VIL1: variants seen among roughly 807,000 people sequenced by gnomAD.
VIL1 encodes the protein villin-1.
A neutral mutation model predicts 104.0 loss-of-function variants in VIL1; 86 were observed. The ratio of observed to expected loss-of-function variants is 0.83; its 90% confidence interval spans 0.69 to 0.99. The LOEUF is 0.99. Among genes scored for constraint, VIL1 ranks in the 50% least tolerant of loss-of-function variants. The pLI is 0.00. For missense variants in VIL1, 944 were observed against 1,054.1 expected (o/e 0.90, Z 1.45); for synonymous variants, 394 against 412.6 (o/e 0.95, Z 0.55).
chr2:218,436,253 C>T (rs1429536167), intron 15 of VIL1, among the ~76,000 whole-genome samples: 1 of 152,082 alleles, frequency 6.6e-6, no homozygotes. Flanking sequence ...GAAGAACTTC[C>T]TAACAAGGCT....
chr2:218,444,429 G>A (rs767434915), intron 19 of VIL1, among the ~76,000 whole-genome samples: 8 of 151,910 alleles, frequency 5.3e-5, no homozygotes, highest in Admixed American at 6.6e-5. Context: ...ACAGGCGCCC[G>A]CCATCACGCC....
chr2:218,431,151 T>G, intron 10 of VIL1: 1 of 549,530 alleles, frequency 1.8e-6, no homozygotes, highest in East Asian at 3.1e-5. Flanking sequence ...GAGTTTGAGA[T>G]TAGCCTAACA....
chr2:218,436,094 C>T (rs1465743152), intron 15 of VIL1, among the ~76,000 whole-genome samples: 1 of 152,158 alleles, frequency 6.6e-6, no homozygotes, highest in Non-Finnish European at 1.5e-5. Flanking sequence ...CTGCCTCAGC[C>T]TCCCAAAATG....
chr2:218,421,732 C>T (rs1237304644), intron 1 of VIL1, among the ~76,000 whole-genome samples: 1 of 152,076 alleles, frequency 6.6e-6, no homozygotes, highest in Non-Finnish European at 1.5e-5. Flanking sequence ...GGAGGGGGAG[C>T]GCTGGCTTTT....
At chr2:218,429,248 G>A (rs200753092) in intron 6 of VIL1, 37 bp from the exon 7 acceptor site, 53 of 1,583,240 alleles carry the variant, frequency 3.3e-5, no homozygotes, top group African/African-American at 9.4e-5. Context: ...CTCATTCCCC[G>A]ACTACTCCCG....
chr2:218,433,396 A>T (rs7585933), intron 13 of VIL1, among the ~76,000 whole-genome samples: 151,328 of 152,020 alleles, frequency 1, 75,324 homozygotes, highest in Middle Eastern at 1. Flanking sequence ...GATTGTGCCA[A>T]TGCACTCCAG....
chr2:218,443,777 C>A (rs1222027250), intron 19 of VIL1, among the ~76,000 whole-genome samples: 1 of 151,818 alleles, frequency 6.6e-6, no homozygotes, highest in Non-Finnish European at 1.5e-5. Context: ...GTCTCAGCCT[C>A]CTTAGTAGCT....
chr2:218,451,231 T>A lies in VIL1; in HGVS notation c.*1895T>A, dbSNP rs1689469339. On this transcript the variant is annotated 3_prime_UTR_variant, in exon 20 of 20. Coordinates refer to ENST00000248444, the MANE Select transcript of VIL1 (RefSeq NM_007127.3). ...AAGCAAAATGGGGAGGAAAAAGACA[T>A]CCATCCATTTTATTGGAACACTTTT... 1 of 152,156 alleles carries A rather than the reference T, an allele frequency of 6.6e-6. No homozygotes were observed. The highest frequency in any genetic ancestry group is 2.1e-4 in the South Asian group (1 of 4,830). 9.4% of individuals were successfully genotyped at this position (152,156 alleles called of 1,614,324 possible).
chr2:218,438,770 G>T lies in VIL1; in HGVS notation c.2229+44G>T, dbSNP rs757771667. The T allele has an allele frequency of 3.8e-6, 6 of 1,567,594 alleles. No homozygotes were observed. In the African/African-American group the frequency reaches 5.4e-5, roughly 14 times the overall value. On this transcript the variant is annotated intron_variant, in intron 18 of 19. Coordinates refer to ENST00000248444, the MANE Select transcript of VIL1 (RefSeq NM_007127.3). The stretch of plus-strand genomic sequence containing the variant: ...GGCTGGGCCCTGCAGTGGCCAGCTG[G>T]TGGTCAGACCTGTGGGAGCCAAGAA...
chr2:218,438,588 G>A, intron 17 of VIL1, 70 bp from the exon 18 acceptor site: 2 of 1,452,586 alleles, frequency 1.4e-6, no homozygotes, highest in Non-Finnish European at 1.9e-6. Flanking sequence ...TCATTCCTGA[G>A]GGAAAATGGC....
rs1689538020 is a variant in VIL1, at chr2:218,453,246, GTGTTTTTTT to G, written c.*3918_*3926del. The G allele has an allele frequency of 6.6e-6, 1 of 151,154 alleles. No individual in the cohort carries two copies. The highest frequency in any genetic ancestry group is 2.5e-5 in the African/African-American group (1 of 40,694). The allele number at this position is 151,154 out of a possible 1,614,324, so 9.4% of individuals were successfully genotyped here. A position where few individuals can be genotyped will look rare whatever the true frequency, so the allele number is the denominator to read the frequency against. ...GTTGCATCTTCTGTGATGATGGTTT[GTGTTTTTTT>G]TGTTTTTGTTTTCGTTTTTTTTAAT... On this transcript the variant is annotated 3_prime_UTR_variant, in exon 20 of 20. Coordinates refer to ENST00000248444, the MANE Select transcript of VIL1 (RefSeq NM_007127.3).
chr2:218,438,732 T>G lies in VIL1; in HGVS notation c.2229+6T>G, dbSNP rs543978145. 123 of 1,609,692 alleles carry G rather than the reference T, an allele frequency of 7.6e-5. 1 individual carries two copies. The South Asian group carries it at 1.4e-3, about 18-fold the overall frequency. On this transcript the variant is annotated splice_donor_region_variant and intron_variant, in intron 18 of 19. Transcript: ENST00000248444. ...ACTGGAGCCAGATCACTGCTGTGAGTCCGGGGCGGGGTGGCTGGGCCCTGC... is the reference window on the plus strand; with the variant it reads ...ACTGGAGCCAGATCACTGCTGTGAGGCCGGGGCGGGGTGGCTGGGCCCTGC...
intron 2 of VIL1, 49 bp from the exon 3 acceptor site, chr2:218,424,228 G>A: frequency 6.4e-7 from 1 of 1,554,818 alleles, no homozygotes; most frequent in Non-Finnish European, 8.9e-7. Context: ...CCAGGCCTAG[G>A]GGTCCTGGTG....
intron 6 of VIL1, 67 bp from the exon 7 acceptor site, chr2:218,429,218 T>G (rs1574813741): frequency 7.8e-6 from 12 of 1,538,302 alleles, no homozygotes; most frequent in East Asian, 4.5e-5. Flanking sequence ...CCTGGCAGGG[T>G]GTAGGGTGGC....
intron 17 of VIL1, 96 bp from the exon 18 acceptor site, chr2:218,438,562 C>A: frequency 8.3e-7 from 1 of 1,205,360 alleles, no homozygotes. Context: ...CACTAGGCCC[C>A]AGACCAGCCT....
Position 218,423,612 on chromosome 2 carries a change from A to C in VIL1, c.-11-156A>C, listed in dbSNP as rs2106389850. Among the ~76,000 whole-genome samples, 5 of 152,180 alleles carry C rather than the reference A, an allele frequency of 3.3e-5. No homozygotes were observed. The South Asian group carries it at 1.0e-3, about 32-fold the overall frequency. On this transcript the variant is annotated intron_variant, in intron 1 of 19. Coordinates refer to ENST00000248444, the MANE Select transcript of VIL1 (RefSeq NM_007127.3). ...AGACACTGCGGATTTGGTACTAAAC[A>C]AGCGGAAATGGTCCCTGAGTGGGGA...
Position 218,452,718 on chromosome 2 carries a change from C to CA in VIL1, c.*3383dup, listed in dbSNP as rs1185731090. 6.6e-6 allele frequency: 1 copy of CA among 152,222 alleles called. No homozygotes were observed. The highest frequency in any genetic ancestry group is 1.5e-5 in the Non-Finnish European group (1 of 68,036). The allele number at this position is 152,222 out of a possible 1,614,324, so 9.4% of individuals were successfully genotyped here. On this transcript the variant is annotated 3_prime_UTR_variant, in exon 20 of 20. Transcript: ENST00000248444. ...GAAAGCAATTCAAATGAGGCTGCTT[C>CA]ATGAGGCAATCTAGACTTATGGCAT... is the stretch of plus-strand genomic sequence containing the variant.
chr2:218,444,343 G>A (rs774333205), intron 19 of VIL1, among the ~76,000 whole-genome samples: 2 of 151,180 alleles, frequency 1.3e-5, no homozygotes, highest in Admixed American at 6.6e-5. Context: ...GCAGTGGCAC[G>A]ATCTCGGTTC....
chr2:218,420,513 C>T (rs1688884093), intron 1 of VIL1, among the ~76,000 whole-genome samples: 1 of 151,036 alleles, frequency 6.6e-6, no homozygotes, highest in African/African-American at 2.4e-5. Flanking sequence ...GCCCAAACCC[C>T]TCCAGTGCCC....
Sources: gnomAD v4.1 joint callset for allele counts (sites outside exome capture counted in the v4.1 genomes callset) on GRCh38, gnomAD v4.1.1 for gene constraint, MANE v1.5 for transcripts, NCBI Gene and HGNC (gene_info 2026-07-23, HGNC 2026-07-21) for gene names.